The following KRT73 variants were observed in gnomAD, a reference collection of about 807,000 sequenced individuals.
KRT73 encodes the protein keratin, type II cytoskeletal 73.
A neutral mutation model predicts 47.2 loss-of-function variants in KRT73; 44 were observed. The ratio of observed to expected loss-of-function variants is 0.93; its 90% CI spans 0.73 to 1.20. The LOEUF (loss-of-function observed/expected upper bound fraction) is 1.20. Ranked by LOEUF, KRT73 falls within the 50% of genes most tolerant of loss-of-function variation. The pLI, the probability that KRT73 is intolerant of heterozygous loss-of-function variation, is 0.00. For synonymous variants in KRT73, 285 were observed against 291.3 expected (o/e 0.98, Z 0.22); for missense variants, 713 against 704.5 (o/e 1.01, Z -0.14).
chr12:52,607,944 C>T lies in KRT73; in HGVS notation c.*252G>A. 2.1e-6 allele frequency: 1 copy of T among 468,194 alleles called. No individual in the cohort carries two copies. The highest frequency in any genetic ancestry group is 3.8e-6 in the Non-Finnish European group (1 of 265,166). The allele number at this position is 468,194 out of a possible 1,614,324, so 29.0% of individuals were successfully genotyped here. A position where few individuals can be genotyped will look rare whatever the true frequency, so the allele number is the denominator to read the frequency against. ...CATGCAGGCAGAGAAAAGGCCAAGTCTTCTTCCAGAAGGGGAGGCTGAGTT... is the reference window on the plus strand; with the variant it reads ...CATGCAGGCAGAGAAAAGGCCAAGTTTTCTTCCAGAAGGGGAGGCTGAGTT... On this transcript the variant is annotated 3_prime_UTR_variant, in exon 9 of 9. Coordinates refer to ENST00000305748, the MANE Select transcript of KRT73 (RefSeq NM_175068.3).
chr12:52,610,530 C>CGGGGGGGGGGGGGGGGG, intron 7 of KRT73, 85 bp downstream of exon 7: 1 of 177,906 alleles, frequency 5.6e-6, no homozygotes, highest in East Asian at 1.9e-4. Flanking sequence ...CAGCTCGCCG[C>CGGGGGGGGGGGGGGGGG]CCCCTCCCCC....
At chr12:52,611,466 G>T (rs953001753) in intron 5 of KRT73, 137 bp from the exon 6 acceptor site, 2 of 972,844 alleles carry the variant, frequency 2.1e-6, no homozygotes, top group East Asian at 2.5e-5. Context: ...TCTATCAGCA[G>T]CCTCCCATTA....
chr12:52,628,915 C>A, the KRT73 span, among the ~76,000 whole-genome samples: 1 of 152,186 alleles, frequency 6.6e-6, no homozygotes, highest in Non-Finnish European at 1.5e-5. Context: ...GAGAGCAGGG[C>A]CAGAAGATTG....
intron 6 of KRT73, 39 bp downstream of exon 6, chr12:52,611,165 C>T: frequency 6.2e-7 from 1 of 1,612,000 alleles, no homozygotes; most frequent in Non-Finnish European, 8.5e-7. Flanking sequence ...GTTCACCCCT[C>T]CCTTAGGAGT....
chr12:52,618,012 G>T, intron 1 of KRT73, 66 bp downstream of exon 1: 1 of 1,503,778 alleles, frequency 6.6e-7, no homozygotes, highest in Non-Finnish European at 9.0e-7. Flanking sequence ...CACAAATTAG[G>T]GCAGTGGCTC....
In KRT73 at chr12:52,616,383, G is replaced by A. The variant is rs1349331094; in HGVS notation, c.448-3C>T. ...TTCTGCTGCTCCAGGAACCGCACCT[G>A]GAACCCATGCCACACATACTTAAGC... On this transcript the variant is annotated splice_region_variant and splice_polypyrimidine_tract_variant and intron_variant, in intron 1 of 8. Coordinates refer to ENST00000305748, the MANE Select transcript of KRT73 (RefSeq NM_175068.3). The A allele has an allele frequency of 1.2e-6, 2 of 1,614,110 alleles. No homozygotes were observed. The highest frequency in any genetic ancestry group is 1.7e-4 in the Middle Eastern group (1 of 6,048).
intron 3 of KRT73, 30 bp downstream of exon 3, chr12:52,615,249 G>T (rs762490738): frequency 6.3e-7 from 1 of 1,596,148 alleles, no homozygotes; most frequent in Non-Finnish European, 8.6e-7. Context: ...ACTGCTGGGG[G>T]ACTGAAGGGA....
chr12:52,614,622 G>A lies in KRT73; in HGVS notation c.776C>T (p.Ala259Val), dbSNP rs1276797311. Residue 259 changes from alanine to valine, a missense_variant, in exon 4 of 9, where the codon GCC becomes GTC. Physicochemically the swap from Ala to Val is moderately conservative, Grantham distance 64. Coordinates refer to ENST00000305748, the MANE Select transcript of KRT73 (RefSeq NM_175068.3). ...GAAGAACTTGATTTCTCCATCCAGGGCATCCACCTTGGCCTGCAGCTCCAC... is the reference window on the plus strand; with the variant it reads ...GAAGAACTTGATTTCTCCATCCAGGACATCCACCTTGGCCTGCAGCTCCAC... ...SKVELQAKVD[A>V]LDGEIKFFKC... 6.2e-7 allele frequency: 1 copy of A among 1,613,904 alleles called. No individual in the cohort carries two copies. The highest frequency in any genetic ancestry group is 1.1e-5 in the South Asian group (1 of 91,042).
At position 52,618,366 on chromosome 12, in the gene KRT73, AC is replaced by A. The variant is rs745616492; in HGVS notation, c.158del (p.Gly53ValfsTer65). On this transcript the variant is annotated frameshift_variant, in exon 1 of 9. Coordinates refer to ENST00000305748, the MANE Select transcript of KRT73 (RefSeq NM_175068.3). LOFTEE classifies it high-confidence loss of function. ...CCACATTGAAAGAGATGCTCCGGGC[AC>A]CCCCCAGGCTGTAAAGGCTCCGACT... ...FSSRSLYSLG[G>X]ARSISFNVAS... 1.2e-6 allele frequency: 2 copies of A among 1,613,786 alleles called. No homozygotes were observed. The highest frequency in any genetic ancestry group is 3.3e-5 in the Admixed American group (2 of 59,988).
intron 2 of KRT73, among the ~76,000 whole-genome samples, chr12:52,615,778 G>T (rs137916156): frequency 6.6e-6 from 1 of 152,152 alleles, no homozygotes; most frequent in South Asian, 2.1e-4. Context: ...GTCCAGGACC[G>T]AAAGGCAATG....
In KRT73 at chr12:52,618,464, A is replaced by G; in HGVS notation, c.61T>C (p.Ser21Pro). The change falls in exon 1 of 9, where the codon TCC becomes CCC. Residue 21 changes from serine (S) to proline (P), a missense_variant. Physicochemically the swap from Ser to Pro is moderately conservative, Grantham distance 74. Coordinates refer to ENST00000305748, the MANE Select transcript of KRT73 (RefSeq NM_175068.3). ...AAAKGGFSGCSAVLSGGSSSS... is the reference protein window; with the variant it reads ...AAAKGGFSGCPAVLSGGSSSS... ...GAGCTGCCCCCTGAGAGCACAGCGG[A>G]GCAGCCGCTGAAGCCCCCCTTGGCA... 2 of 1,613,286 alleles carry G rather than the reference A, an allele frequency of 1.2e-6. No individual in the cohort carries two copies. Among genetic ancestry groups the G allele is most frequent in the Non-Finnish European group, 1.7e-6 (2 of 1,179,670 alleles).
upstream of KRT73, among the ~76,000 whole-genome samples, chr12:52,622,587 G>A (rs541370559): frequency 1.3e-5 from 2 of 152,358 alleles, no homozygotes; most frequent in Admixed American, 6.5e-5. Context: ...CATGAACAGT[G>A]CAAGTACAAG....
chr12:52,630,429 G>A, the KRT73 span, among the ~76,000 whole-genome samples: 2 of 152,112 alleles, frequency 1.3e-5, no homozygotes, highest in African/African-American at 2.4e-5. Context: ...GGGCATCTCC[G>A]ATGGCTACCT....
rs1341569219 is a variant in KRT73, at chr12:52,609,261, T to C, written c.1352A>G (p.Asn451Ser). ...EECRMSGEYTNSVSISVINSS... is the reference protein window; with the variant it reads ...EECRMSGEYTSSVSISVINSS... ...GAAATACTCACAAATGCTCACGGAG[T>C]TGGTATATTCTCCGGACATCCTGCA... The change falls in exon 8 of 9, where the codon AAC becomes AGC. Residue 451 changes from asparagine (N) to serine (S), a missense_variant. By Grantham distance (46) the Asn-to-Ser change is conservative. Transcript: ENST00000305748. 3 of 1,613,462 alleles carry C rather than the reference T, an allele frequency of 1.9e-6. No individual in the cohort carries two copies. Among genetic ancestry groups the C allele is most frequent in the East Asian group, 2.2e-5 (1 of 44,868 alleles).
intron 1 of KRT73, 45 bp from the exon 2 acceptor site, chr12:52,616,425 G>T (rs772365675): frequency 5.6e-6 from 9 of 1,600,374 alleles, no homozygotes; most frequent in Non-Finnish European, 6.8e-6. Context: ...GAGAGGGGAT[G>T]TGAGAATTCC....
At chr12:52,613,942 A>T (rs1422369640) in intron 4 of KRT73, 90 bp from the exon 5 acceptor site, 2 of 1,516,210 alleles carry the variant, frequency 1.3e-6, no homozygotes, top group African/African-American at 2.8e-5. Flanking sequence ...ATGGCCCTAG[A>T]CCATCCCACA....
intron 3 of KRT73, 159 bp from the exon 4 acceptor site, chr12:52,614,833 T>C (rs1308555973): frequency 3.4e-6 from 2 of 596,790 alleles, no homozygotes; most frequent in African/African-American, 1.9e-5. Context: ...ACTGTCAGAC[T>C]CACTGCGAAA....
upstream of KRT73, among the ~76,000 whole-genome samples, chr12:52,620,707 C>T (rs1038595813): frequency 1.3e-5 from 2 of 152,180 alleles, no homozygotes; most frequent in African/African-American, 2.4e-5. Flanking sequence ...TTCCCCTCCC[C>T]TCCCTGGCCT....
intron 5 of KRT73, 92 bp from the exon 6 acceptor site, chr12:52,611,421 G>A: frequency 1.3e-6 from 2 of 1,516,918 alleles, no homozygotes; most frequent in Non-Finnish European, 9.0e-7. Context: ...TGCAGAGCCT[G>A]GCAGAGGTGG....
Sources: allele counts gnomAD v4.1 joint callset (sites outside exome capture counted in the v4.1 genomes callset), GRCh38; gene constraint gnomAD v4.1.1; transcripts MANE v1.5; gene names NCBI Gene and HGNC (gene_info 2026-07-23, HGNC 2026-07-21).